Variants in SPRY3 observed in about 807,000 individuals in gnomAD.
SPRY3 encodes protein sprouty homolog 3.
A neutral mutation model predicts 20.2 loss-of-function variants in SPRY3; 15 were observed. The observed-to-expected ratio is 0.74, with a 90% CI of 0.50 to 1.14. The LOEUF (loss-of-function observed/expected upper bound fraction) is 1.14, where lower values mean the gene tolerates loss of function less well. Among genes scored for constraint, SPRY3 ranks in the 50% most tolerant of loss-of-function variants. SPRY3 has a pLI of 0.00. For missense variants in SPRY3, 364 were observed against 363.9 expected, an observed-to-expected ratio of 1.00 and a Z score of 0.00; for synonymous variants, 143 against 136.5, an observed-to-expected ratio of 1.05 and a Z score of -0.33.
chrX:155,660,549 G>A (rs1446108529), intron 2 of SPRY3, among the ~76,000 whole-genome samples: 5 of 111,666 alleles, frequency 4.5e-5, no homozygotes, highest in Non-Finnish European at 7.5e-5. Context: ...TTTATCTTGA[G>A]TCCAATTTAA....
At chrX:155,685,057 G>A (rs1308785038) in intron 2 of SPRY3, among the ~76,000 whole-genome samples, 1 of 111,835 alleles carries the variant, frequency 8.9e-6, no homozygotes. Flanking sequence ...TGATTATGAT[G>A]TATCTGGTCA....
chrX:155,716,946 C>T (rs893320439), intron 2 of SPRY3, among the ~76,000 whole-genome samples: 1 of 140,218 alleles, frequency 7.1e-6, no homozygotes. Flanking sequence ...CCAGCCTGGG[C>T]AACACGGTGA....
At chrX:155,774,234 C>T (rs910712776) in exon 4 of SPRY3, 2 of 1,613,886 alleles carry the variant, frequency 1.2e-6, no homozygotes, top group African/African-American at 2.7e-5. Context: ...GAGCAGGGGT[C>T]CACCCAAAGG....
chrX:155,761,771 T>A (rs1052033305), intron 2 of SPRY3, among the ~76,000 whole-genome samples: 2 of 151,666 alleles, frequency 1.3e-5, no homozygotes, highest in Non-Finnish European at 2.9e-5. Context: ...TGAGATGGTA[T>A]CTCATTGTGG....
At chrX:155,641,421 A>G (rs1412781740) in intron 1 of SPRY3, among the ~76,000 whole-genome samples, 2 of 114,785 alleles carry the variant, frequency 1.7e-5, no homozygotes, top group African/African-American at 6.3e-5. Flanking sequence ...CCTTAGCCAC[A>G]CCAAAGAATT....
chrX:155,663,240 A>G (rs2068015686), intron 2 of SPRY3, among the ~76,000 whole-genome samples: 1 of 112,251 alleles, frequency 8.9e-6, no homozygotes, highest in Non-Finnish European at 1.9e-5. Context: ...GGGATTTAAT[A>G]GAGGACAAGC....
chrX:155,723,353 G>A (rs778997630), intron 2 of SPRY3, among the ~76,000 whole-genome samples: 394 of 152,184 alleles, frequency 2.6e-3, no homozygotes, highest in African/African-American at 9.2e-3. Flanking sequence ...CTGAGGAATC[G>A]CCACACTGTC....
intron 2 of SPRY3, among the ~76,000 whole-genome samples, chrX:155,720,292 A>T (rs1448796549): frequency 6.6e-6 from 1 of 152,130 alleles, no homozygotes; most frequent in South Asian, 2.1e-4. Context: ...ATAGAACACC[A>T]TTAGACTTCC....
At chrX:155,613,474 C>A (rs2067838581) in intron 1 of SPRY3, among the ~76,000 whole-genome samples, 1 of 110,985 alleles carries the variant, frequency 9.0e-6, no homozygotes, top group Non-Finnish European at 1.9e-5. Flanking sequence ...CAATGGAAAT[C>A]CAAGGCAGAT....
chrX:155,638,328 A>G (rs868925883), intron 1 of SPRY3, among the ~76,000 whole-genome samples: 5 of 1,718 alleles, frequency 2.9e-3, no homozygotes, highest in Non-Finnish European at 0.012. Flanking sequence ...ATATATATAT[A>G]TATATATATA....
intron 2 of SPRY3, among the ~76,000 whole-genome samples, chrX:155,741,987 G>A (rs768278552): frequency 7.2e-5 from 11 of 152,042 alleles, no homozygotes; most frequent in East Asian, 1.9e-4. Context: ...TCAAATTCAC[G>A]CATAACAATA....
At chrX:155,773,901 A>G (rs1381256157) in exon 4 of SPRY3, 3 of 1,613,756 alleles carry the variant, frequency 1.9e-6, no homozygotes, top group African/African-American at 2.7e-5. Context: ...ATGATTTTCA[A>G]CAAATTCTGC....
intron 2 of SPRY3, among the ~76,000 whole-genome samples, chrX:155,751,924 G>GAAATAAAATA (rs530878002): frequency 0.1 from 12,536 of 121,418 alleles, 853 homozygotes; most frequent in Non-Finnish European, 0.15. Context: ...CAAGGGAAGG[G>GAAATAAAATA]AAATAAAATA....
intron 2 of SPRY3, among the ~76,000 whole-genome samples, chrX:155,740,036 G>A (rs757870911): frequency 2.6e-5 from 4 of 152,232 alleles, no homozygotes; most frequent in African/African-American, 4.8e-5. Context: ...CAGGGACTCC[G>A]AACAGAGGGA....
intron 2 of SPRY3, among the ~76,000 whole-genome samples, chrX:155,756,145 T>G (rs2091282738): frequency 6.6e-6 from 1 of 152,066 alleles, no homozygotes; most frequent in African/African-American, 2.4e-5. Flanking sequence ...CTCTGCACTG[T>G]TGTCACCTGC....
At chrX:155,756,008 G>T (rs1445980150) in intron 2 of SPRY3, among the ~76,000 whole-genome samples, 2 of 152,096 alleles carry the variant, frequency 1.3e-5, no homozygotes, top group African/African-American at 4.8e-5. Flanking sequence ...TTGTAATACA[G>T]AGCTAAGAAC....
intron 2 of SPRY3, among the ~76,000 whole-genome samples, chrX:155,734,458 A>G (rs1278894224): frequency 6.6e-6 from 1 of 152,096 alleles, no homozygotes; most frequent in Non-Finnish European, 1.5e-5. Flanking sequence ...GTCAAAGATA[A>G]TTGAATATAG....
At chrX:155,767,617 G>A (rs1299079285) in intron 2 of SPRY3, among the ~76,000 whole-genome samples, 1 of 147,718 alleles carries the variant, frequency 6.8e-6, no homozygotes, top group Non-Finnish European at 1.5e-5. Flanking sequence ...CAAGAGGAGG[G>A]GAAGGAAAAT....
chrX:155,744,755 AC>A (rs2091218185), intron 2 of SPRY3, among the ~76,000 whole-genome samples: 1 of 151,958 alleles, frequency 6.6e-6, no homozygotes, highest in Admixed American at 6.6e-5. Context: ...TTCAATAGAA[AC>A]CTGCTGCACC....
Sources: gnomAD v4.1 joint callset for allele counts (sites outside exome capture counted in the v4.1 genomes callset) on GRCh38, gnomAD v4.1.1 for gene constraint, MANE v1.5 for transcripts, NCBI Gene and HGNC (gene_info 2026-07-23, HGNC 2026-07-21) for gene names.